NR6A1: variants seen among roughly 807,000 people sequenced by gnomAD.
NR6A1 encodes nuclear receptor subfamily 6 group A member 1, also known as retinoic acid receptor-related testis-associated receptor.
NR6A1 carries 7 observed loss-of-function variants against 59.1 expected under a neutral mutation model. That is an observed-to-expected ratio of 0.12 (90% CI 0.07 to 0.22). The LOEUF (loss-of-function observed/expected upper bound fraction) is 0.22, where lower values mean the gene tolerates loss of function less well. NR6A1 is among the 10% of genes least tolerant of loss of function. NR6A1 has a pLI of 1.00. For synonymous variants in NR6A1, 243 were observed against 236.1 expected, an observed-to-expected ratio of 1.03 and a Z score of -0.27; for missense variants, 468 against 611.6, an observed-to-expected ratio of 0.77 and a Z score of 2.48.
At chr9:124,634,738 C>T (rs1400252732) in intron 2 of NR6A1, among the ~76,000 whole-genome samples, 2 of 152,054 alleles carry the variant, frequency 1.3e-5, no homozygotes, top group Non-Finnish European at 2.9e-5. Context: ...AGGAGAATGG[C>T]GTGAACTCAG....
At chr9:124,570,855 CAAAT>C (rs1232617644) in intron 2 of NR6A1, among the ~76,000 whole-genome samples, 3 of 152,254 alleles carry the variant, frequency 2.0e-5, no homozygotes, top group East Asian at 3.9e-4. Context: ...TGTATCTAAA[CAAAT>C]AAGTATTTTT....
chr9:124,628,226 C>T (rs1443801964), intron 2 of NR6A1, among the ~76,000 whole-genome samples: 2 of 152,120 alleles, frequency 1.3e-5, no homozygotes, highest in Admixed American at 1.3e-4. Context: ...CGGGGTTTAA[C>T]CACGTTGGCC....
At chr9:124,719,895 T>C (rs1208832762) in intron 2 of NR6A1, among the ~76,000 whole-genome samples, 1 of 152,010 alleles carries the variant, frequency 6.6e-6, no homozygotes, top group Non-Finnish European at 1.5e-5. Flanking sequence ...CACTCCAGCC[T>C]GGGTGACAAA....
intron 2 of NR6A1, among the ~76,000 whole-genome samples, chr9:124,687,763 G>A (rs1838383905): frequency 6.6e-6 from 1 of 152,154 alleles, no homozygotes; most frequent in Non-Finnish European, 1.5e-5. Context: ...ATGGTTGCTG[G>A]GAAAGTGGGG....
chr9:124,715,035 T>C (rs74713511), intron 2 of NR6A1, among the ~76,000 whole-genome samples: 2,569 of 151,840 alleles, frequency 0.017, 81 homozygotes, highest in East Asian at 0.16. Flanking sequence ...CCATCACTAC[T>C]AAAAATAAAA....
At chr9:124,643,103 G>GC (rs541733693) in intron 2 of NR6A1, among the ~76,000 whole-genome samples, 1 of 141,896 alleles carries the variant, frequency 7.0e-6, no homozygotes, top group African/African-American at 2.6e-5. Context: ...CCCTCGGGTG[G>GC]GGGGGGGGAA....
At chr9:124,688,741 C>T (rs1317784640) in intron 2 of NR6A1, among the ~76,000 whole-genome samples, 1 of 152,158 alleles carries the variant, frequency 6.6e-6, no homozygotes, top group African/African-American at 2.4e-5. Flanking sequence ...ATCTGAAGTT[C>T]ACAGACAAAC....
intron 2 of NR6A1, among the ~76,000 whole-genome samples, chr9:124,633,751 T>C (rs1265010417): frequency 1.3e-5 from 2 of 152,208 alleles, no homozygotes; most frequent in Admixed American, 6.5e-5. Context: ...AGATGCCAAC[T>C]GCTAAATCCA....
At chr9:124,652,393 G>A (rs1378389372) in intron 2 of NR6A1, among the ~76,000 whole-genome samples, 1 of 152,114 alleles carries the variant, frequency 6.6e-6, no homozygotes, top group Non-Finnish European at 1.5e-5. Context: ...CTGTGTGACT[G>A]CTTATGAATC....
intron 1 of NR6A1, among the ~76,000 whole-genome samples, chr9:124,758,394 T>C (rs559525291): frequency 6.9e-4 from 105 of 152,304 alleles, no homozygotes; most frequent in African/African-American, 2.4e-3. Flanking sequence ...TGAAGCGCAT[T>C]TAATCTTAGG....
chr9:124,593,938 T>C (rs1230637479), intron 2 of NR6A1, among the ~76,000 whole-genome samples: 1 of 152,112 alleles, frequency 6.6e-6, no homozygotes, highest in East Asian at 1.9e-4. Context: ...AAAGACCAGA[T>C]TGTATGACTC....
At chr9:124,599,089 C>T in intron 2 of NR6A1, 1 of 713,074 alleles carries the variant, frequency 1.4e-6, no homozygotes, top group Non-Finnish European at 2.6e-6. Context: ...CAGTGCCTCG[C>T]TCGTTCCATT....
rs143044882 is a variant in NR6A1 at position 124,538,262 on chromosome 9, A to G, written c.654T>C (p.Ser218=). The part of the protein sequence containing the change: ...MAFREQYMGM[S]VPPHYQYIPH... The stretch of plus-strand genomic sequence containing the variant: ...GTATATATTGGTAATGTGGAGGCAC[A>G]GACATTCCCATGTACTGTTCCCTGA... The change falls in exon 6 of 10, where the codon TCT becomes TCC. Residue 218 remains serine (S), a synonymous_variant. Transcript: ENST00000487099. The G allele has an allele frequency of 3.1e-6, 5 of 1,614,128 alleles. No individual in the cohort carries two copies. The highest frequency in any genetic ancestry group is 1.3e-5 in the African/African-American group (1 of 74,942).
intron 7 of NR6A1, 110 bp downstream of exon 7, chr9:124,535,768 C>CAGGCCT: frequency 7.5e-7 from 1 of 1,340,012 alleles, no homozygotes; most frequent in Non-Finnish European, 1.0e-6. Flanking sequence ...GATTCAAATC[C>CAGGCCT]AGGCCTATGA....
chr9:124,618,257 G>A (rs746194104), intron 2 of NR6A1, among the ~76,000 whole-genome samples: 12 of 152,056 alleles, frequency 7.9e-5, no homozygotes, highest in African/African-American at 2.2e-4. Flanking sequence ...TGAGGTAGGC[G>A]GATCACTTGA....
At chr9:124,599,702 G>C (rs1835395583) in intron 2 of NR6A1, 1 of 585,956 alleles carries the variant, frequency 1.7e-6, no homozygotes, top group Non-Finnish European at 2.4e-6. Context: ...ATGAATGGCA[G>C]AACCTTAGTT....
chr9:124,625,615 T>C (rs979403858), intron 2 of NR6A1, among the ~76,000 whole-genome samples: 1 of 152,236 alleles, frequency 6.6e-6, no homozygotes, highest in Non-Finnish European at 1.5e-5. Context: ...TTCTAGTGTG[T>C]TCTTCATTAA....
chr9:124,692,710 T>C (rs1168990332), intron 2 of NR6A1, among the ~76,000 whole-genome samples: 2 of 152,234 alleles, frequency 1.3e-5, no homozygotes, highest in African/African-American at 2.4e-5. Context: ...TTTATTATTA[T>C]TTGTTTGTTT....
chr9:124,654,844 G>C (rs1463646037), intron 2 of NR6A1, among the ~76,000 whole-genome samples: 2 of 141,668 alleles, frequency 1.4e-5, no homozygotes, highest in African/African-American at 2.6e-5. Flanking sequence ...CTAGATACTG[G>C]TTGCTTTTAT....
Sources: allele counts gnomAD v4.1 joint callset (sites outside exome capture counted in the v4.1 genomes callset), GRCh38; gene constraint gnomAD v4.1.1; transcripts MANE v1.5; gene names NCBI Gene and HGNC (gene_info 2026-07-23, HGNC 2026-07-21).